LUC7L: variants seen among roughly 807,000 people sequenced by gnomAD.
The protein encoded by LUC7L is putative RNA-binding protein Luc7-like 1.
A neutral mutation model predicts 51.1 loss-of-function variants in LUC7L; 29 were observed. The ratio of observed to expected loss-of-function variants is 0.57; its 90% confidence interval spans 0.42 to 0.77. The LOEUF (loss-of-function observed/expected upper bound fraction) is 0.77. Ranked by LOEUF, LUC7L falls within the 30% of genes least tolerant of loss-of-function variation. The pLI is 0.00. For missense variants in LUC7L, 403 were observed against 511.9 expected (o/e 0.79, Z 2.05); for synonymous variants, 181 against 180.7 (o/e 1.00, Z -0.01).
chr16:208,540 C>A, intron 3 of LUC7L: 2 of 823,310 alleles, frequency 2.4e-6, no homozygotes, highest in Non-Finnish European at 3.0e-6. Flanking sequence ...AAGGCTGAGC[C>A]TAGACTCGTG....
intron 3 of LUC7L, among the ~76,000 whole-genome samples, chr16:210,893 T>TA (rs1325141894): frequency 2.0e-5 from 3 of 149,578 alleles, no homozygotes; most frequent in Non-Finnish European, 4.4e-5. Context: ...CTACTAAAAA[T>TA]ACAAAAAATT....
intron 6 of LUC7L, among the ~76,000 whole-genome samples, chr16:195,377 C>T (rs1276695043): frequency 6.6e-6 from 1 of 151,838 alleles, no homozygotes; most frequent in African/African-American, 2.4e-5. Context: ...AATAAGCTAT[C>T]AGCTACCATC....
At chr16:194,033 GA>G (rs1446774372) in intron 6 of LUC7L, among the ~76,000 whole-genome samples, 1 of 150,680 alleles carries the variant, frequency 6.6e-6, no homozygotes, top group African/African-American at 2.4e-5. Context: ...TCGATCTCCT[GA>G]CCTCACGATC....
chr16:228,681 C>G, intron 1 of LUC7L: 10 of 1,199,288 alleles, frequency 8.3e-6, no homozygotes, highest in Non-Finnish European at 8.5e-6. Context: ...TTGAGCTCCT[C>G]CCTACACAGT....
chr16:196,150 G>A (rs953938893), intron 6 of LUC7L, among the ~76,000 whole-genome samples: 2 of 152,126 alleles, frequency 1.3e-5, no homozygotes, highest in Admixed American at 6.5e-5. Flanking sequence ...GCCCACGCCT[G>A]TAATCCCAGC....
At chr16:201,471 G>A (rs1204433609) in intron 5 of LUC7L, among the ~76,000 whole-genome samples, 3 of 147,704 alleles carry the variant, frequency 2.0e-5, no homozygotes, top group East Asian at 2.0e-4. Flanking sequence ...ACGGAGTCTC[G>A]CTCTGTCGCC....
intron 1 of LUC7L, chr16:228,976 G>C (rs1294364518): frequency 7.0e-7 from 1 of 1,430,334 alleles, no homozygotes; most frequent in African/African-American, 1.4e-5. Flanking sequence ...TCCACAGTTC[G>C]CGGAGGGGCA....
At chr16:228,624 G>A in intron 1 of LUC7L, 1 of 1,185,168 alleles carries the variant, frequency 8.4e-7, no homozygotes, top group South Asian at 1.6e-5. Flanking sequence ...CAGGTATATA[G>A]TTTTGCAAAG....
chr16:193,567 G>A (rs1301554219), intron 6 of LUC7L, among the ~76,000 whole-genome samples: 1 of 152,026 alleles, frequency 6.6e-6, no homozygotes, highest in Non-Finnish European at 1.5e-5. Flanking sequence ...CGCGATCTTT[G>A]CTCACTGAAG....
intron 3 of LUC7L, among the ~76,000 whole-genome samples, chr16:216,657 G>A (rs774420403): frequency 2.8e-4 from 43 of 152,128 alleles, no homozygotes; most frequent in Non-Finnish European, 5.0e-4. Flanking sequence ...TGAGATTACA[G>A]GCATAAGCCA....
chr16:206,365 C>T (rs1336673663), intron 4 of LUC7L, among the ~76,000 whole-genome samples: 1 of 152,186 alleles, frequency 6.6e-6, no homozygotes, highest in Non-Finnish European at 1.5e-5. Flanking sequence ...TCACTTCCGA[C>T]ATGCTTCCAA....
rs556954471 is a variant in LUC7L at position 189,784 on chromosome 16, C to T, written c.974+184G>A. On this transcript the variant is annotated intron_variant, in intron 9 of 9. Coordinates refer to ENST00000293872, the MANE Select transcript of LUC7L (RefSeq NM_201412.3). ...GCCTGTGCAGCCCATCACCTGGCGC[C>T]GTGCGAGCTCCTCCACAGCCCTCTC... 6.1e-4 allele frequency: 868 copies of T among 1,418,100 alleles called. 8 individuals are homozygous for T. The South Asian group carries it at 0.012, about 19-fold the overall frequency. 87.8% of individuals were successfully genotyped at this position (1,418,100 alleles called of 1,614,324 possible).
chr16:189,396 C>T (rs2048949220), intron 9 of LUC7L, 57 bp from the exon 10 acceptor site: 1 of 1,555,900 alleles, frequency 6.4e-7, no homozygotes, highest in Non-Finnish European at 8.7e-7. Context: ...CTGCTGGCCG[C>T]TCAGGCACTG....
intron 7 of LUC7L, 177 bp from the exon 8 acceptor site, chr16:190,747 G>A (rs2048990372): frequency 3.3e-6 from 2 of 606,670 alleles, no homozygotes; most frequent in Admixed American, 2.9e-5. Context: ...AGGCGTGGTG[G>A]CGGGTGCCTG....
chr16:201,761 T>A (rs1235291469), intron 5 of LUC7L, among the ~76,000 whole-genome samples: 1 of 96,142 alleles, frequency 1.0e-5, no homozygotes, highest in Non-Finnish European at 2.1e-5. Context: ...TTTTTTTTTT[T>A]GAGAGAGAGT....
intron 6 of LUC7L, among the ~76,000 whole-genome samples, chr16:194,935 A>C (rs1450466920): frequency 6.6e-6 from 1 of 152,234 alleles, no homozygotes; most frequent in East Asian, 1.9e-4. Flanking sequence ...AAGAATCACG[A>C]GTCTTCTCCA....
chr16:218,600 A>T (rs2049877272), intron 3 of LUC7L, among the ~76,000 whole-genome samples: 1 of 152,002 alleles, frequency 6.6e-6, no homozygotes, highest in Non-Finnish European at 1.5e-5. Context: ...GGGCACTTCT[A>T]ATCTCAGCTA....
intron 5 of LUC7L, among the ~76,000 whole-genome samples, chr16:204,852 C>T (rs1285539865): frequency 1.3e-5 from 2 of 152,196 alleles, no homozygotes; most frequent in South Asian, 2.1e-4. Flanking sequence ...GATCCTATGG[C>T]ATTACTCAAA....
At chr16:203,530 A>T (rs537219234) in intron 5 of LUC7L, among the ~76,000 whole-genome samples, 48 of 151,982 alleles carry the variant, frequency 3.2e-4, no homozygotes, top group Admixed American at 3.1e-3. Context: ...AACATGGCGA[A>T]ACCCAGTCTC....
Sources: gnomAD v4.1 joint callset for allele counts (sites outside exome capture counted in the v4.1 genomes callset) on GRCh38, gnomAD v4.1.1 for gene constraint, MANE v1.5 for transcripts, NCBI Gene and HGNC (gene_info 2026-07-23, HGNC 2026-07-21) for gene names.